The following XRCC4 variants were observed in gnomAD, a reference collection of about 807,000 sequenced individuals.
The protein encoded by XRCC4 is DNA repair protein XRCC4.
A neutral mutation model predicts 39.1 loss-of-function variants in XRCC4; 28 were observed. The ratio of observed to expected loss-of-function variants is 0.72; its 90% CI spans 0.53 to 0.98. The LOEUF (loss-of-function observed/expected upper bound fraction) is 0.98. Ranked by LOEUF, XRCC4 falls within the 50% of genes least tolerant of loss-of-function variation. The pLI is 0.00. For synonymous variants in XRCC4, 123 were observed against 126.4 expected (o/e 0.97, Z 0.18); for missense variants, 350 against 376.4 (o/e 0.93, Z 0.58).
intron 3 of XRCC4, among the ~76,000 whole-genome samples, chr5:83,132,155 G>C (rs1202179351): frequency 6.6e-6 from 1 of 152,082 alleles, no homozygotes; most frequent in Non-Finnish European, 1.5e-5. Flanking sequence ...AGTTTGGCTG[G>C]ACATGAAATT....
intron 3 of XRCC4, among the ~76,000 whole-genome samples, chr5:83,157,305 C>A (rs1749009231): frequency 6.6e-6 from 1 of 152,092 alleles, no homozygotes; most frequent in South Asian, 2.1e-4. Context: ...CCTGAAGCTT[C>A]CCTACTCTGT....
At chr5:83,218,671 G>C (rs919266393) in intron 6 of XRCC4, among the ~76,000 whole-genome samples, 6 of 151,988 alleles carry the variant, frequency 3.9e-5, no homozygotes, top group African/African-American at 1.4e-4. Context: ...TCAGATCTCA[G>C]ACTACTCTGA....
intron 7 of XRCC4, among the ~76,000 whole-genome samples, chr5:83,333,020 C>T (rs1400084968): frequency 6.6e-6 from 1 of 152,012 alleles, no homozygotes; most frequent in Non-Finnish European, 1.5e-5. Flanking sequence ...AGCATTTGGC[C>T]TAAGGAGAAC....
chr5:83,324,376 A>G (rs1756177411), intron 7 of XRCC4, among the ~76,000 whole-genome samples: 2 of 152,142 alleles, frequency 1.3e-5, no homozygotes, highest in African/African-American at 4.8e-5. Context: ...TTAACTCCAC[A>G]ACATTAACTG....
chr5:83,111,321 GA>G, intron 3 of XRCC4, 118 bp downstream of exon 3: 1 of 746,350 alleles, frequency 1.3e-6, no homozygotes, highest in Non-Finnish European at 1.9e-6. Flanking sequence ...GCAAAAGCTT[GA>G]AAAGTACTTG....
At chr5:83,365,882 C>A in the XRCC4 span, among the ~76,000 whole-genome samples, 1 of 152,114 alleles carries the variant, frequency 6.6e-6, no homozygotes, top group Non-Finnish European at 1.5e-5. Context: ...ACTATGTCTT[C>A]CCTTGGTTTT....
chr5:83,200,099 G>A (rs1272599776), intron 4 of XRCC4, among the ~76,000 whole-genome samples: 1 of 152,088 alleles, frequency 6.6e-6, no homozygotes, highest in Non-Finnish European at 1.5e-5. Context: ...CAGGAAGCAC[G>A]TAATGGAATG....
chr5:83,240,124 T>C (rs1031561549), intron 6 of XRCC4, among the ~76,000 whole-genome samples: 3 of 152,044 alleles, frequency 2.0e-5, no homozygotes, highest in African/African-American at 4.8e-5. Context: ...CAGTGAGCCA[T>C]GATCTTGCCA....
intron 7 of XRCC4, chr5:83,310,654 C>T: frequency 2.6e-6 from 1 of 389,160 alleles, no homozygotes; most frequent in East Asian, 7.3e-5. Context: ...AGGAGTGACT[C>T]CCTAGAATCT....
intron 3 of XRCC4, among the ~76,000 whole-genome samples, chr5:83,113,925 G>C (rs10071579): frequency 0.33 from 50,089 of 152,090 alleles, 9,172 homozygotes; most frequent in Non-Finnish European, 0.42. Context: ...CGCACCCAGC[G>C]CAGACATTTC....
At chr5:83,296,488 T>A (rs1296408485) in intron 7 of XRCC4, among the ~76,000 whole-genome samples, 1 of 152,168 alleles carries the variant, frequency 6.6e-6, no homozygotes, top group African/African-American at 2.4e-5. Flanking sequence ...ATAGCTGTTC[T>A]TATTAGTATC....
intron 1 of XRCC4, 62 bp from the exon 2 acceptor site, chr5:83,104,848 C>G: frequency 6.6e-7 from 1 of 1,518,982 alleles, no homozygotes; most frequent in Non-Finnish European, 9.1e-7. Context: ...GAGGCCAGTA[C>G]AGAAAACATT....
the XRCC4 span, among the ~76,000 whole-genome samples, chr5:83,370,937 T>A: frequency 6.6e-6 from 1 of 152,182 alleles, no homozygotes; most frequent in Admixed American, 6.6e-5. Context: ...TTCTTCTGCC[T>A]TCTCTGCTTT....
At chr5:83,310,937 A>T in intron 7 of XRCC4, 1 of 437,632 alleles carries the variant, frequency 2.3e-6, no homozygotes, top group Non-Finnish European at 4.6e-6. Flanking sequence ...AAAGCCAAGG[A>T]AACTGATCTT....
chr5:83,190,591 T>C (rs144035048), intron 3 of XRCC4, among the ~76,000 whole-genome samples: 152 of 152,300 alleles, frequency 1.0e-3, no homozygotes, highest in African/African-American at 3.4e-3. Flanking sequence ...TGATAATATA[T>C]TGAAACTGAA....
At position 83,246,738 on chromosome 5, in the gene XRCC4, A is replaced by G. The variant is rs371396739; in HGVS notation, c.746-11792A>G. 1.1e-3 allele frequency among the ~76,000 whole-genome samples: 175 copies of G among 152,274 alleles called. 5 individuals are homozygous for G. In the South Asian group the frequency reaches 0.036, roughly 31 times the overall value. On this transcript the variant is annotated intron_variant, in intron 6 of 7. Coordinates refer to ENST00000396027, the MANE Select transcript of XRCC4 (RefSeq NM_003401.5). ...TCTCATTTTTTTCCATTTTATACAA[A>G]GTGGTAATACTACAAAATTATCAAT...
At chr5:83,123,888 A>C (rs1266257088) in intron 3 of XRCC4, among the ~76,000 whole-genome samples, 6 of 110,906 alleles carry the variant, frequency 5.4e-5, no homozygotes, top group Non-Finnish European at 1.1e-4. Flanking sequence ...TGTTACATTG[A>C]TTTTTTTTAC....
At chr5:83,254,354 C>T (rs142876627) in intron 6 of XRCC4, among the ~76,000 whole-genome samples, 4 of 152,162 alleles carry the variant, frequency 2.6e-5, no homozygotes, top group African/African-American at 9.7e-5. Flanking sequence ...ATTTCCTGCA[C>T]CTTTCATGCA....
chr5:83,141,549 CA>C (rs1323163721), intron 3 of XRCC4, among the ~76,000 whole-genome samples: 1 of 151,988 alleles, frequency 6.6e-6, no homozygotes, highest in Non-Finnish European at 1.5e-5. Flanking sequence ...TGCATTTTTC[CA>C]ATTGCGAGTG....
Sources: gnomAD v4.1 joint callset for allele counts (sites outside exome capture counted in the v4.1 genomes callset) on GRCh38, gnomAD v4.1.1 for gene constraint, MANE v1.5 for transcripts, NCBI Gene and HGNC (gene_info 2026-07-23, HGNC 2026-07-21) for gene names.